CCDC7: variants seen among roughly 807,000 people sequenced by gnomAD.
The protein encoded by CCDC7 is coiled-coil domain containing 7.
A neutral mutation model predicts 196.9 loss-of-function variants in CCDC7; 183 were observed. The observed-to-expected ratio is 0.93, with a 90% CI of 0.82 to 1.05. The LOEUF (loss-of-function observed/expected upper bound fraction) is 1.05, where lower values mean the gene tolerates loss of function less well. CCDC7 is among the 50% of genes least tolerant of loss of function. The probability of loss-of-function intolerance (pLI) is 0.00; values close to 1 mark genes in which losing one functional copy is unlikely to be tolerated. For synonymous variants in CCDC7, 525 were observed against 484.6 expected (o/e 1.08, Z -1.10); for missense variants, 1,540 against 1,482.2 (o/e 1.04, Z -0.64).
rs867460376 is a variant in CCDC7, at chr10:32,632,151, G to T, written c.1802-2103G>T. 7.1e-4 allele frequency among the ~76,000 whole-genome samples: 64 copies of T among 89,880 alleles called. 1 individual carries two copies. The highest frequency in any genetic ancestry group is 1.8e-3 in the African/African-American group (43 of 24,008). The allele number at this position is 89,880 out of a possible 152,430, so 59.0% of individuals were successfully genotyped here. On this transcript the variant is annotated intron_variant, in intron 18 of 41. Transcript: ENST00000639629. ...TATTTCTTTTTTTTGGGGGGGGGGGGGTCTAATTTCTCTGGCTAGAAACTC... is the reference window on the plus strand; with the variant it reads ...TATTTCTTTTTTTTGGGGGGGGGGGTGTCTAATTTCTCTGGCTAGAAACTC...
intron 9 of CCDC7, chr10:32,511,955 A>C (rs2046287193): frequency 3.6e-6 from 2 of 551,778 alleles, no homozygotes; most frequent in South Asian, 4.5e-5. Flanking sequence ...TATTATGCAT[A>C]AATTTATATA....
intron 24 of CCDC7, among the ~76,000 whole-genome samples, chr10:32,700,318 T>C (rs1168382576): frequency 6.7e-6 from 1 of 149,554 alleles, no homozygotes; most frequent in Non-Finnish European, 1.5e-5. Flanking sequence ...GGGAATCCTT[T>C]CCCCATTTCT....
intron 28 of CCDC7, among the ~76,000 whole-genome samples, chr10:32,744,424 A>G (rs1592269043): frequency 1.3e-5 from 2 of 150,682 alleles, no homozygotes. Context: ...TGGCTATGCC[A>G]TTTTGTATTC....
At chr10:32,777,489 T>A (rs11009080) in intron 28 of CCDC7, among the ~76,000 whole-genome samples, 1 of 151,906 alleles carries the variant, frequency 6.6e-6, no homozygotes, top group Admixed American at 6.6e-5. Context: ...TAATTTACAT[T>A]CCCACCAACA....
intron 41 of CCDC7, among the ~76,000 whole-genome samples, chr10:32,856,087 C>T (rs764459683): frequency 6.6e-5 from 10 of 151,970 alleles, no homozygotes; most frequent in East Asian, 1.9e-4. Flanking sequence ...CAAAGTAGAC[C>T]GAAAACCTAA....
intron 20 of CCDC7, among the ~76,000 whole-genome samples, chr10:32,640,820 A>G (rs903111220): frequency 4.0e-5 from 6 of 150,018 alleles, no homozygotes; most frequent in African/African-American, 1.5e-4. Context: ...TTTCTTTAAG[A>G]ATGTTGAATA....
intron 29 of CCDC7, 150 bp from the exon 31 acceptor site, chr10:32,804,865 G>T: frequency 1.7e-6 from 1 of 579,068 alleles, no homozygotes; most frequent in East Asian, 2.9e-5. Flanking sequence ...AATGTTTAGT[G>T]ATTTGGCAAT....
chr10:32,685,711 A>G (rs575309907), intron 21 of CCDC7, among the ~76,000 whole-genome samples: 1 of 152,320 alleles, frequency 6.6e-6, no homozygotes, highest in Non-Finnish European at 1.5e-5. Context: ...GATCTATACA[A>G]TATAAAGAAC....
intron 29 of CCDC7, among the ~76,000 whole-genome samples, chr10:32,803,638 A>G (rs554116690): frequency 6.6e-6 from 1 of 152,224 alleles, no homozygotes; most frequent in East Asian, 1.9e-4. Context: ...AGGTAAAATG[A>G]ATTTCTTGTA....
intron 24 of CCDC7, among the ~76,000 whole-genome samples, chr10:32,707,577 G>A (rs1436823148): frequency 9.9e-5 from 15 of 152,242 alleles, no homozygotes; most frequent in East Asian, 1.9e-4. Flanking sequence ...AAACCCCATC[G>A]TCTCAGCCCA....
chr10:32,454,016 T>A (rs1286194295), intron 2 of CCDC7, among the ~76,000 whole-genome samples: 6 of 152,174 alleles, frequency 3.9e-5, no homozygotes, highest in Non-Finnish European at 2.9e-5. Flanking sequence ...GAAATACTCT[T>A]CACAATAAAG....
intron 18 of CCDC7, chr10:32,623,944 C>T: frequency 3.2e-6 from 1 of 315,250 alleles, no homozygotes; most frequent in Non-Finnish European, 6.4e-6. Flanking sequence ...GAGGGATCCT[C>T]CCGTATAATC....
chr10:32,502,083 A>G (rs1175138152), intron 9 of CCDC7, among the ~76,000 whole-genome samples: 2 of 152,092 alleles, frequency 1.3e-5, no homozygotes, highest in Non-Finnish European at 2.9e-5. Context: ...TCCCCCTACC[A>G]AGGTCGAGTA....
intron 20 of CCDC7, among the ~76,000 whole-genome samples, chr10:32,660,758 A>G (rs1328164802): frequency 6.6e-6 from 1 of 151,874 alleles, no homozygotes; most frequent in East Asian, 1.9e-4. Context: ...GTGCTGGGAA[A>G]ACTGGCTAGC....
At chr10:32,850,944 T>C (rs1482691429) in intron 39 of CCDC7, among the ~76,000 whole-genome samples, 1 of 152,000 alleles carries the variant, frequency 6.6e-6, no homozygotes, top group Non-Finnish European at 1.5e-5. Flanking sequence ...GTCACCTATT[T>C]CACCCTTCAA....
At chr10:32,561,835 C>G (rs1230232806) in intron 13 of CCDC7, among the ~76,000 whole-genome samples, 1 of 151,618 alleles carries the variant, frequency 6.6e-6, no homozygotes, top group Non-Finnish European at 1.5e-5. Context: ...ACACAAAAAA[C>G]CCTTCAAAAA....
Position 32,799,249 on chromosome 10 carries a change from G to A in CCDC7, c.3014-5766G>A, listed in dbSNP as rs7086195. Among the ~76,000 whole-genome samples, 277 of 152,232 alleles carry A rather than the reference G, an allele frequency of 1.8e-3. 3 individuals carry two copies. The highest frequency in any genetic ancestry group is 6.3e-3 in the African/African-American group (260 of 41,536). ...AGGAGAATGATTATCTGCAGAAGACGGCAGGGCCTTGCTCCAAAATCCGAG... is the reference window on the plus strand; with the variant it reads ...AGGAGAATGATTATCTGCAGAAGACAGCAGGGCCTTGCTCCAAAATCCGAG... On this transcript the variant is annotated intron_variant, in intron 29 of 41. Coordinates refer to ENST00000639629, the Ensembl canonical transcript of CCDC7.
At chr10:32,709,151 A>G (rs1442326883) in intron 24 of CCDC7, among the ~76,000 whole-genome samples, 1 of 152,052 alleles carries the variant, frequency 6.6e-6, no homozygotes. Context: ...ATAAAAAAGG[A>G]TGAGTTCATG....
chr10:32,686,163 A>T, intron 22 of CCDC7, 83 bp downstream of exon 23: 1 of 649,170 alleles, frequency 1.5e-6, no homozygotes, highest in Non-Finnish European at 2.5e-6. Context: ...ATGAATCTTG[A>T]ATTTACAGAA....
Sources: allele counts gnomAD v4.1 joint callset (sites outside exome capture counted in the v4.1 genomes callset), GRCh38; gene constraint gnomAD v4.1.1; transcripts MANE v1.5; gene names NCBI Gene and HGNC (gene_info 2026-07-23, HGNC 2026-07-21).